Variants in AUTS2 observed in about 807,000 individuals in gnomAD.
AUTS2 encodes the protein autism susceptibility gene 2 protein.
A neutral mutation model predicts 112.4 loss-of-function variants in AUTS2; 17 were observed. The observed-to-expected ratio is 0.15, with a 90% CI of 0.10 to 0.23. The LOEUF is 0.23. Among genes scored for constraint, AUTS2 ranks in the 10% least tolerant of loss-of-function variants. The pLI is 1.00. For synonymous variants in AUTS2, 751 were observed against 702.7 expected (o/e 1.07, Z -1.09); for missense variants, 1,510 against 1,701.6 (o/e 0.89, Z 1.98).
At chr7:69,689,153 T>G (rs1174168726) in intron 1 of AUTS2, among the ~76,000 whole-genome samples, 1 of 152,004 alleles carries the variant, frequency 6.6e-6, no homozygotes, top group Non-Finnish European at 1.5e-5. Context: ...TCTAGTTTCC[T>G]CATTTGTAGA....
chr7:70,541,615 C>A (rs144700647), intron 5 of AUTS2, among the ~76,000 whole-genome samples: 141 of 152,336 alleles, frequency 9.3e-4, no homozygotes, highest in African/African-American at 3.1e-3. Flanking sequence ...TCAGCTCAAC[C>A]ACTGTGTGCC....
chr7:70,057,691 A>T (rs1217816374), intron 2 of AUTS2, among the ~76,000 whole-genome samples: 1 of 152,198 alleles, frequency 6.6e-6, no homozygotes, highest in Non-Finnish European at 1.5e-5. Flanking sequence ...CAGGGTCCCT[A>T]GACCCTCTGT....
At chr7:70,346,149 G>C (rs376333098) in intron 4 of AUTS2, among the ~76,000 whole-genome samples, 2 of 152,112 alleles carry the variant, frequency 1.3e-5, no homozygotes, top group East Asian at 3.9e-4. Flanking sequence ...TATGTCAGGT[G>C]GTAGAGCTAC....
At chr7:70,698,503 A>G in intron 5 of AUTS2, 66 bp from the exon 6 acceptor site, 1 of 1,312,268 alleles carries the variant, frequency 7.6e-7, no homozygotes. Context: ...AAATAATGGG[A>G]ATGTTGATGG....
At chr7:70,576,028 A>G (rs1284061048) in intron 5 of AUTS2, among the ~76,000 whole-genome samples, 1 of 152,082 alleles carries the variant, frequency 6.6e-6, no homozygotes, top group Admixed American at 6.5e-5. Context: ...CATGGATTTG[A>G]GGACTTCTGT....
At position 70,784,977 on chromosome 7, in the gene AUTS2, C is replaced by G; in HGVS notation, c.2182C>G (p.Pro728Ala). 2 of 1,613,738 alleles carry G rather than the reference C, an allele frequency of 1.2e-6. No homozygotes were observed. The highest frequency in any genetic ancestry group is 2.7e-5 in the African/African-American group (2 of 75,040). Residue 728 changes from proline to alanine, a missense_variant, in exon 16 of 19, where the codon CCT becomes GCT. Pro to Ala is a conservative substitution (Grantham distance 27). This residue lies in a region of AUTS2 where 788 missense variants were observed against 797.6 expected (regional missense o/e 0.99). Coordinates refer to ENST00000342771, the MANE Select transcript of AUTS2 (RefSeq NM_015570.4). Reference protein sequence around the residue: ...AHPTGTPFGPPPHHSNFLNPA... With the variant: ...AHPTGTPFGPAPHHSNFLNPA... ...CCCAACTGGGACCCCTTTTGGGCCA[C>G]CTCCTCATCACAGCAACTTCCTCAA...
intron 1 of AUTS2, among the ~76,000 whole-genome samples, chr7:69,813,895 T>C (rs1562901054): frequency 6.6e-6 from 1 of 152,174 alleles, no homozygotes; most frequent in Non-Finnish European, 1.5e-5. Flanking sequence ...ACACAGGGAT[T>C]TTGGTAAACA....
chr7:70,278,165 G>A (rs758546319), intron 4 of AUTS2, among the ~76,000 whole-genome samples: 14 of 152,056 alleles, frequency 9.2e-5, no homozygotes, highest in Non-Finnish European at 1.8e-4. Context: ...GCAAGAATAC[G>A]AGATTGCTAT....
At chr7:70,390,734 A>AG (rs1263087967) in intron 4 of AUTS2, among the ~76,000 whole-genome samples, 1 of 152,114 alleles carries the variant, frequency 6.6e-6, no homozygotes, top group Admixed American at 6.5e-5. Context: ...AGAGTTAGGT[A>AG]GTTCCCCCAT....
chr7:69,790,693 T>G (rs912204337), intron 1 of AUTS2, among the ~76,000 whole-genome samples: 6 of 152,260 alleles, frequency 3.9e-5, no homozygotes, highest in African/African-American at 1.2e-4. Context: ...AAGTACTATT[T>G]AAGTGTTTAT....
chr7:70,348,768 G>A (rs1234611723), intron 4 of AUTS2, among the ~76,000 whole-genome samples: 1 of 152,138 alleles, frequency 6.6e-6, no homozygotes, highest in Non-Finnish European at 1.5e-5. Flanking sequence ...CCGAGATCAT[G>A]CCACTGCACT....
intron 5 of AUTS2, among the ~76,000 whole-genome samples, chr7:70,473,816 C>A (rs1797482767): frequency 6.6e-6 from 1 of 151,750 alleles, no homozygotes; most frequent in Admixed American, 6.6e-5. Context: ...CTGGGTCATG[C>A]CCAGTTCCAT....
chr7:69,631,018 T>C (rs1343587025), intron 1 of AUTS2, among the ~76,000 whole-genome samples: 1 of 152,120 alleles, frequency 6.6e-6, no homozygotes, highest in African/African-American at 2.4e-5. Context: ...CTATAGGGCA[T>C]TGGTCATTTT....
At position 70,418,829 on chromosome 7, in the gene AUTS2, A is replaced by C. The variant is rs144108827; in HGVS notation, c.661-16923A>C. ...AACTCTTTATCACTCAGAAATAAAC[A>C]GTGTTTGGTGCATTTTTTTCCAGTG... is the stretch of plus-strand genomic sequence containing the variant. On this transcript the variant is annotated intron_variant, in intron 4 of 18. Coordinates refer to ENST00000342771, the MANE Select transcript of AUTS2 (RefSeq NM_015570.4). 6.2e-3 allele frequency among the ~76,000 whole-genome samples: 942 copies of C among 152,078 alleles called. 6 individuals carry two copies. The highest frequency in any genetic ancestry group is 8.5e-3 in the Non-Finnish European group (581 of 67,992).
intron 2 of AUTS2, among the ~76,000 whole-genome samples, chr7:69,980,043 C>A (rs1463340662): frequency 6.6e-6 from 1 of 152,134 alleles, no homozygotes; most frequent in African/African-American, 2.4e-5. Context: ...CTTCTCTTCT[C>A]CACATGGTAC....
intron 4 of AUTS2, among the ~76,000 whole-genome samples, chr7:70,384,123 C>T (rs1165919935): frequency 2.0e-5 from 3 of 152,236 alleles, no homozygotes; most frequent in African/African-American, 7.2e-5. Context: ...CCCTCCCCAC[C>T]GCCCCTCCTG....
intron 14 of AUTS2, among the ~76,000 whole-genome samples, chr7:70,779,731 C>T (rs926952712): frequency 3.9e-5 from 6 of 152,162 alleles, no homozygotes; most frequent in Non-Finnish European, 8.8e-5. Context: ...CAGATGAGTC[C>T]GGGAGATCAG....
At chr7:70,278,354 G>T (rs1255806380) in intron 4 of AUTS2, among the ~76,000 whole-genome samples, 1 of 152,134 alleles carries the variant, frequency 6.6e-6, no homozygotes, top group Non-Finnish European at 1.5e-5. Context: ...TGAGGCAGGA[G>T]GATCGCTTGA....
At position 70,786,018 on chromosome 7, in the gene AUTS2, G is replaced by C. The variant is rs766391532; in HGVS notation, c.2288G>C (p.Gly763Ala). The change falls in exon 17 of 19, where the codon GGA becomes GCA. Residue 763 changes from glycine to alanine, a missense_variant. Transcript: ENST00000342771. ...GCAGTTGGTGGCAATGCCTTCGGGGGACTTGGAAATCCTTCCGTTAGTGAG... is the reference window on the plus strand; with the variant it reads ...GCAGTTGGTGGCAATGCCTTCGGGGCACTTGGAAATCCTTCCGTTAGTGAG... ...LAAVGGNAFG[G>A]LGNPSVTPNS... is the part of the protein sequence containing the mutation. The C allele has an allele frequency of 7.4e-6, 12 of 1,614,006 alleles. No homozygotes were observed. The highest frequency in any genetic ancestry group is 1.3e-5 in the African/African-American group (1 of 74,934).
Sources: gnomAD v4.1 joint callset for allele counts (sites outside exome capture counted in the v4.1 genomes callset) on GRCh38, gnomAD v4.1.1 for gene constraint, gnomAD v4.1.1 regional missense constraint, MANE v1.5 for transcripts, NCBI Gene and HGNC (gene_info 2026-07-23, HGNC 2026-07-21) for gene names.